PPP1R36: variants seen among roughly 807,000 people sequenced by gnomAD.
The protein encoded by PPP1R36 is chromosome 14 open reading frame 50.
PPP1R36 carries 47 observed loss-of-function variants against 53.4 expected under a neutral mutation model. The observed-to-expected ratio is 0.88, with a 90% CI of 0.70 to 1.12. The LOEUF (loss-of-function observed/expected upper bound fraction) is 1.12, where lower values mean the gene tolerates loss of function less well. PPP1R36 is among the 50% of genes most tolerant of loss of function. The pLI, the probability that PPP1R36 is intolerant of heterozygous loss-of-function variation, is 0.00. For synonymous variants in PPP1R36, 153 were observed against 170.5 expected, an observed-to-expected ratio of 0.90 and a Z score of 0.80; for missense variants, 456 against 513.9, an observed-to-expected ratio of 0.89 and a Z score of 1.09.
chr14:64,588,342 C>T, intron 11 of PPP1R36, 47 bp downstream of exon 11: 1 of 1,533,566 alleles, frequency 6.5e-7, no homozygotes, highest in Non-Finnish European at 8.8e-7. Context: ...GGTGGCATCC[C>T]AGGTGGGGCT....
intron 3 of PPP1R36, among the ~76,000 whole-genome samples, chr14:64,558,883 G>C (rs559585102): frequency 1.2e-4 from 18 of 152,002 alleles, no homozygotes; most frequent in African/African-American, 3.4e-4. Flanking sequence ...TGATCTGCCC[G>C]CCTCGGCCTC....
Position 64,582,613 on chromosome 14 carries a change from T to A in PPP1R36, c.669-4224T>A, listed in dbSNP as rs77671140. The stretch of plus-strand genomic sequence containing the variant: ...TACTATAAGTGAAAAATAAGCACTG[T>A]ACACAGAAAGTCTAAATATGAATAA... On this transcript the variant is annotated intron_variant, in intron 8 of 11. Transcript: ENST00000298705. Among the ~76,000 whole-genome samples, 1,232 of 152,338 alleles carry A rather than the reference T, an allele frequency of 8.1e-3. 17 individuals are homozygous for A. The highest frequency in any genetic ancestry group is 0.028 in the African/African-American group (1,175 of 41,568).
At chr14:64,573,496 A>G (rs1409712354) in intron 7 of PPP1R36, among the ~76,000 whole-genome samples, 1 of 152,230 alleles carries the variant, frequency 6.6e-6, no homozygotes, top group African/African-American at 2.4e-5. Context: ...TTAGGAAAAT[A>G]GCAGGAAAGT....
At chr14:64,583,884 G>T (rs2080409820) in intron 8 of PPP1R36, among the ~76,000 whole-genome samples, 1 of 148,470 alleles carries the variant, frequency 6.7e-6, no homozygotes, top group African/African-American at 2.5e-5. Flanking sequence ...GTGGAAAGAG[G>T]TTCATGTTAC....
intron 3 of PPP1R36, among the ~76,000 whole-genome samples, chr14:64,563,338 A>G (rs1416236664): frequency 1.3e-5 from 2 of 151,898 alleles, no homozygotes; most frequent in African/African-American, 4.8e-5. Flanking sequence ...CATCCCCAGT[A>G]TTTTAGCACA....
chr14:64,569,665 CA>C (rs978373828), intron 7 of PPP1R36, among the ~76,000 whole-genome samples: 1 of 151,868 alleles, frequency 6.6e-6, no homozygotes, highest in Non-Finnish European at 1.5e-5. Flanking sequence ...TGGCTTATTA[CA>C]TTTTTTTATC....
At chr14:64,588,893 T>A (rs2080460231) in intron 11 of PPP1R36, among the ~76,000 whole-genome samples, 1 of 152,200 alleles carries the variant, frequency 6.6e-6, no homozygotes, top group Non-Finnish European at 1.5e-5. Context: ...GAGGTTTTTC[T>A]ATTAGTAGAA....
At chr14:64,558,336 C>G (rs564228722) in intron 3 of PPP1R36, among the ~76,000 whole-genome samples, 1 of 151,970 alleles carries the variant, frequency 6.6e-6, no homozygotes. Flanking sequence ...CTCAGCACTT[C>G]GAAAGCCTGA....
chr14:64,587,163 G>A (rs370206789), intron 9 of PPP1R36, 31 bp from the exon 10 acceptor site: 3 of 1,548,010 alleles, frequency 1.9e-6, no homozygotes, highest in South Asian at 2.3e-5. Context: ...CACAGCTAAG[G>A]ATCGTGATTC....
At chr14:64,576,804 T>C (rs971309272) in intron 8 of PPP1R36, among the ~76,000 whole-genome samples, 4 of 152,228 alleles carry the variant, frequency 2.6e-5, no homozygotes, top group Admixed American at 2.0e-4. Flanking sequence ...ACATCCGTTC[T>C]GCAGCTTTCA....
At chr14:64,564,412 G>A (rs1214278668) in intron 3 of PPP1R36, among the ~76,000 whole-genome samples, 1 of 152,164 alleles carries the variant, frequency 6.6e-6, no homozygotes, top group Admixed American at 6.5e-5. Context: ...ATGAGATTGT[G>A]CCTAAAAGCA....
chr14:64,556,461 A>T (rs1246257404), intron 3 of PPP1R36, among the ~76,000 whole-genome samples: 2 of 151,994 alleles, frequency 1.3e-5, no homozygotes, highest in Admixed American at 6.6e-5. Flanking sequence ...TTAAAAACTT[A>T]AAAAAATAAG....
intron 2 of PPP1R36, 118 bp from the exon 3 acceptor site, chr14:64,552,696 C>A: frequency 1.4e-6 from 1 of 720,174 alleles, no homozygotes. Context: ...ACAAATAATT[C>A]AAAGGCTTAA....
chr14:64,556,898 T>G (rs1253344411), intron 3 of PPP1R36, among the ~76,000 whole-genome samples: 2 of 151,998 alleles, frequency 1.3e-5, no homozygotes, highest in African/African-American at 4.8e-5. Flanking sequence ...CGGTGCAGCC[T>G]TGACCTCCTG....
At chr14:64,585,220 C>T (rs1030689997) in intron 8 of PPP1R36, among the ~76,000 whole-genome samples, 4 of 152,148 alleles carry the variant, frequency 2.6e-5, no homozygotes, top group African/African-American at 4.8e-5. Context: ...AAGGCCCCAA[C>T]AAAAGCAGAA....
intron 8 of PPP1R36, among the ~76,000 whole-genome samples, chr14:64,584,471 C>T (rs948345859): frequency 3.9e-5 from 6 of 152,144 alleles, no homozygotes; most frequent in Non-Finnish European, 7.3e-5. Context: ...GGAAGAGGAG[C>T]TTTGAAAGGG....
chr14:64,566,039 G>A (rs1335485336), intron 6 of PPP1R36, among the ~76,000 whole-genome samples: 1 of 152,232 alleles, frequency 6.6e-6, no homozygotes, highest in African/African-American at 2.4e-5. Flanking sequence ...GGAGGCCGAG[G>A]CAGGTGGATC....
chr14:64,582,806 G>A (rs1017812106), intron 8 of PPP1R36, among the ~76,000 whole-genome samples: 34 of 151,860 alleles, frequency 2.2e-4, no homozygotes, highest in African/African-American at 8.2e-4. Flanking sequence ...GGATTGTATT[G>A]TTTAAACCCC....
At chr14:64,552,776 C>A in intron 2 of PPP1R36, 38 bp from the exon 3 acceptor site, 1 of 1,573,742 alleles carries the variant, frequency 6.4e-7, no homozygotes, top group South Asian at 1.1e-5. Context: ...CTGAGTAACC[C>A]GTCACTTCAA....
Sources: gnomAD v4.1 joint callset for allele counts (sites outside exome capture counted in the v4.1 genomes callset) on GRCh38, gnomAD v4.1.1 for gene constraint, MANE v1.5 for transcripts, NCBI Gene and HGNC (gene_info 2026-07-23, HGNC 2026-07-21) for gene names.